Variants in KDM4C observed in about 807,000 individuals in gnomAD.
KDM4C encodes the protein lysine-specific demethylase 4C.
KDM4C carries 81 observed loss-of-function variants against 129.3 expected under a neutral mutation model. The observed-to-expected ratio is 0.63, with a 90% CI of 0.52 to 0.75. The LOEUF (loss-of-function observed/expected upper bound fraction) is 0.75, where lower values mean the gene tolerates loss of function less well. Ranked by LOEUF, KDM4C falls within the 30% of genes least tolerant of loss-of-function variation. The probability of loss-of-function intolerance (pLI) is 0.00; values close to 1 mark genes in which losing one functional copy is unlikely to be tolerated. For synonymous variants in KDM4C, 573 were observed against 456.1 expected (o/e 1.26, Z -3.26); for missense variants, 1,457 against 1,304.0 (o/e 1.12, Z -1.81).
chr9:6,922,117 A>G lies in KDM4C; in HGVS notation c.921+28885A>G, dbSNP rs1589121822. Among the ~76,000 whole-genome samples, 3 of 152,328 alleles carry G rather than the reference A, an allele frequency of 2.0e-5. No individual in the cohort carries two copies. The South Asian group carries it at 6.2e-4, about 32-fold the overall frequency. On this transcript the variant is annotated intron_variant, in intron 8 of 21. Coordinates refer to ENST00000381309, the MANE Select transcript of KDM4C (RefSeq NM_015061.6). ...TACACGTTCAGCAAATATTTGCTGC[A>G]TGAATGAATGAATGTATGATGACAG...
intron 5 of KDM4C, among the ~76,000 whole-genome samples, chr9:6,863,323 G>A (rs1453496752): frequency 6.6e-6 from 1 of 152,114 alleles, no homozygotes; most frequent in East Asian, 1.9e-4. Flanking sequence ...CTTTCCTTGT[G>A]TAGCTATGAA....
chr9:7,173,145 T>G lies in KDM4C; in HGVS notation c.2995-1408T>G, dbSNP rs559422897. Reference sequence around the variant, plus strand: ...TGGGGTTCCCCTGATGGGGAGAAACTTACTTGCCCCTTACCTCTACCACTG... The same window carrying G: ...TGGGGTTCCCCTGATGGGGAGAAACGTACTTGCCCCTTACCTCTACCACTG... On this transcript the variant is annotated intron_variant, in intron 21 of 21. Coordinates refer to ENST00000381309, the MANE Select transcript of KDM4C (RefSeq NM_015061.6). 3.9e-5 allele frequency among the ~76,000 whole-genome samples: 6 copies of G among 152,362 alleles called. No individual in the cohort carries two copies. In the East Asian group the frequency reaches 1.2e-3, roughly 29 times the overall value.
intron 8 of KDM4C, among the ~76,000 whole-genome samples, chr9:6,964,663 T>C (rs1196820055): frequency 6.6e-6 from 1 of 150,956 alleles, no homozygotes; most frequent in East Asian, 2.0e-4. Context: ...GCGCCTGTAG[T>C]CCCAGCTACT....
At chr9:7,163,381 C>A (rs1564196792) in intron 19 of KDM4C, among the ~76,000 whole-genome samples, 1 of 152,108 alleles carries the variant, frequency 6.6e-6, no homozygotes, top group African/African-American at 2.4e-5. Flanking sequence ...CACCATGGCA[C>A]ATAGTTTGGG....
At chr9:7,044,103 G>T (rs1421472232) in intron 15 of KDM4C, among the ~76,000 whole-genome samples, 1 of 152,020 alleles carries the variant, frequency 6.6e-6, no homozygotes, top group Admixed American at 6.6e-5. Flanking sequence ...AGTTGCAAGA[G>T]TAATAAAGCT....
At chr9:6,976,074 T>C (rs1345777693) in intron 8 of KDM4C, among the ~76,000 whole-genome samples, 1 of 87,854 alleles carries the variant, frequency 1.1e-5, no homozygotes, top group Non-Finnish European at 2.6e-5. Context: ...GGATTATACC[T>C]TTTTTGTTTT....
intron 18 of KDM4C, among the ~76,000 whole-genome samples, chr9:7,127,541 A>C (rs1316954203): frequency 6.6e-6 from 1 of 152,188 alleles, no homozygotes; most frequent in African/African-American, 2.4e-5. Context: ...CCATAAACAA[A>C]GACAGAGGAA....
At chr9:6,828,638 AG>A (rs1025000509) in intron 4 of KDM4C, among the ~76,000 whole-genome samples, 1 of 139,442 alleles carries the variant, frequency 7.2e-6, no homozygotes, top group Non-Finnish European at 1.5e-5. Context: ...TGGGAGGCTG[AG>A]GTGGGTGGAT....
At position 6,782,764 on chromosome 9, in the gene KDM4C, C is replaced by T. The variant is rs1824644966; in HGVS notation, c.-17-10208C>T. On this transcript the variant is annotated intron_variant, in intron 1 of 21. Transcript: ENST00000381309. ...ATTGAAGGGTTTAAAAGAGGGATAG[C>T]ATCATCAGTTTTGTGTCTAGAAAGT... 5.3e-5 allele frequency among the ~76,000 whole-genome samples: 8 copies of T among 152,212 alleles called. No individual in the cohort carries two copies. The South Asian group carries it at 1.5e-3, about 28-fold the overall frequency.
At chr9:7,160,951 GGCAGTGGGCCTTGTTGAGCT>G (rs142716618) in intron 19 of KDM4C, among the ~76,000 whole-genome samples, 28,572 of 152,196 alleles carry the variant, frequency 0.19, 2,975 homozygotes, top group Middle Eastern at 0.3. Context: ...GGAGTCTAGA[GGCAGTGGGCCTTGTTGAGCT>G]GCGGTGGGCT....
chr9:6,951,917 A>C (rs1328261077), intron 8 of KDM4C, among the ~76,000 whole-genome samples: 1 of 152,196 alleles, frequency 6.6e-6, no homozygotes, highest in East Asian at 1.9e-4. Flanking sequence ...TTGTCATTTT[A>C]AGTTTTAAAT....
At chr9:7,166,453 TGTGTA>T (rs1844397015) in intron 20 of KDM4C, among the ~76,000 whole-genome samples, 1 of 150,690 alleles carries the variant, frequency 6.6e-6, no homozygotes, top group African/African-American at 2.4e-5. Context: ...TGTGTGTATG[TGTGTA>T]TGTGTGTCTG....
At chr9:6,992,839 C>G (rs554644220) in intron 12 of KDM4C, among the ~76,000 whole-genome samples, 1 of 152,260 alleles carries the variant, frequency 6.6e-6, no homozygotes, top group African/African-American at 2.4e-5. Context: ...CTTTAAACAA[C>G]AATCAGTGTC....
chr9:6,826,001 G>A (rs1358714372), intron 4 of KDM4C, among the ~76,000 whole-genome samples: 1 of 152,022 alleles, frequency 6.6e-6, no homozygotes, highest in Non-Finnish European at 1.5e-5. Flanking sequence ...TTGTAGAGAC[G>A]GGATTTCACT....
At chr9:7,125,777 C>T (rs532307167) in intron 18 of KDM4C, among the ~76,000 whole-genome samples, 1 of 152,150 alleles carries the variant, frequency 6.6e-6, no homozygotes, top group Non-Finnish European at 1.5e-5. Context: ...TAATTTTGGT[C>T]CCTTGGGGAT....
chr9:7,024,996 T>C (rs1398936718), intron 15 of KDM4C, among the ~76,000 whole-genome samples: 1 of 152,220 alleles, frequency 6.6e-6, no homozygotes, highest in Non-Finnish European at 1.5e-5. Flanking sequence ...CCAGCACCTG[T>C]TGTTTCGTGA....
intron 15 of KDM4C, among the ~76,000 whole-genome samples, chr9:7,021,351 G>A (rs980733617): frequency 5.4e-4 from 82 of 152,022 alleles, no homozygotes; most frequent in African/African-American, 2.0e-3. Flanking sequence ...CACCATGTTG[G>A]CCAGGCTGGT....
At chr9:6,735,313 G>A (rs1386110060) in intron 1 of KDM4C, among the ~76,000 whole-genome samples, 3 of 152,160 alleles carry the variant, frequency 2.0e-5, no homozygotes, top group African/African-American at 4.8e-5. Context: ...TCTTAGTATT[G>A]CTATCAGTAT....
chr9:6,942,040 C>T (rs1826041863), intron 8 of KDM4C, among the ~76,000 whole-genome samples: 1 of 152,080 alleles, frequency 6.6e-6, no homozygotes, highest in Non-Finnish European at 1.5e-5. Context: ...AAAAAGGGCT[C>T]TTTTAAAAAG....
Sources: allele counts gnomAD v4.1 joint callset (sites outside exome capture counted in the v4.1 genomes callset), GRCh38; gene constraint gnomAD v4.1.1; transcripts MANE v1.5; gene names NCBI Gene and HGNC (gene_info 2026-07-23, HGNC 2026-07-21).